Variants in UTP18 observed in about 807,000 individuals in gnomAD.
The protein encoded by UTP18 is UTP18 small subunit processome component.
A neutral mutation model predicts 61.1 loss-of-function variants in UTP18; 36 were observed. The ratio of observed to expected loss-of-function variants is 0.59; its 90% confidence interval spans 0.45 to 0.78. The LOEUF is 0.78. UTP18 is among the 30% of genes least tolerant of loss of function. The probability of loss-of-function intolerance (pLI) is 0.00; values close to 1 mark genes in which losing one functional copy is unlikely to be tolerated. For missense variants in UTP18, 753 were observed against 693.9 expected (o/e 1.09, Z -0.96); for synonymous variants, 282 against 251.1 (o/e 1.12, Z -1.16).
chr17:51,274,184 C>T (rs1421741346), intron 5 of UTP18, among the ~76,000 whole-genome samples: 1 of 152,152 alleles, frequency 6.6e-6, no homozygotes, highest in Non-Finnish European at 1.5e-5. Flanking sequence ...TTTGTTCTGC[C>T]TGCCTTGTCT....
intron 11 of UTP18, 111 bp from the exon 12 acceptor site, chr17:51,293,792 T>G (rs1414646681): frequency 1.0e-6 from 1 of 960,116 alleles, no homozygotes. Context: ...TCTTGTGTGC[T>G]ACAATCAAAA....
chr17:51,264,726 A>G (rs2055542852), intron 2 of UTP18, among the ~76,000 whole-genome samples: 1 of 146,442 alleles, frequency 6.8e-6, no homozygotes, highest in Non-Finnish European at 1.5e-5. Context: ...CCTTTCATCC[A>G]GGCTGGAGTT....
intron 11 of UTP18, among the ~76,000 whole-genome samples, chr17:51,291,484 C>T (rs995788948): frequency 1.3e-5 from 2 of 152,100 alleles, no homozygotes; most frequent in African/African-American, 4.8e-5. Context: ...ACCTTAATCC[C>T]AGCACTTTGA....
intron 4 of UTP18, among the ~76,000 whole-genome samples, chr17:51,271,574 G>T (rs1333212401): frequency 6.9e-6 from 1 of 144,860 alleles, no homozygotes; most frequent in Non-Finnish European, 1.5e-5. Flanking sequence ...TTCAGTCTGG[G>T]TATATTTTTC....
At chr17:51,270,510 A>C (rs62060090) in intron 4 of UTP18, among the ~76,000 whole-genome samples, 1 of 152,222 alleles carries the variant, frequency 6.6e-6, no homozygotes, top group Non-Finnish European at 1.5e-5. Context: ...AAAATCCCAC[A>C]GATCCCAGTG....
rs996361104 is a variant in UTP18 at position 51,260,881 on chromosome 17, C to G, written c.297C>G (p.Val99=). The G allele has an allele frequency of 3.1e-6, 5 of 1,599,932 alleles. No individual in the cohort carries two copies. The highest frequency in any genetic ancestry group is 4.3e-6 in the Non-Finnish European group (5 of 1,174,404). ...RCLEELVFGD[V]ENDEDALLRR... ...TGGAGGAGCTGGTCTTCGGCGACGT[C>G]GAGAACGACGAGGACGCGTTGCTGC... Residue 99 remains valine, a synonymous_variant, in exon 1 of 14, where the codon GTC becomes GTG. Transcript: ENST00000225298.
chr17:51,261,064 G>A, intron 1 of UTP18, 138 bp downstream of exon 1: 2 of 750,830 alleles, frequency 2.7e-6, no homozygotes, highest in Non-Finnish European at 3.7e-6. Context: ...GAACGCGGGC[G>A]CGGAGGGTCG....
intron 5 of UTP18, 108 bp from the exon 6 acceptor site, chr17:51,275,758 G>T: frequency 9.8e-7 from 1 of 1,022,070 alleles, no homozygotes; most frequent in Non-Finnish European, 1.3e-6. Context: ...TACCATTCCA[G>T]TGCATTTTTT....
At chr17:51,282,897 C>G (rs1904990705) in intron 9 of UTP18, among the ~76,000 whole-genome samples, 1 of 128,070 alleles carries the variant, frequency 7.8e-6, no homozygotes, top group Admixed American at 9.3e-5. Flanking sequence ...GAGACAGAGT[C>G]TCACTCTGTT....
At chr17:51,262,475 A>T (rs947195694) in intron 1 of UTP18, among the ~76,000 whole-genome samples, 2 of 152,084 alleles carry the variant, frequency 1.3e-5, no homozygotes, top group Admixed American at 1.3e-4. Context: ...ACTTATTTAG[A>T]GATACGGTCT....
chr17:51,266,023 CT>C (rs2055557019), intron 2 of UTP18, among the ~76,000 whole-genome samples, 158 bp from the exon 3 acceptor site: 1 of 152,120 alleles, frequency 6.6e-6, no homozygotes, highest in African/African-American at 2.4e-5. Context: ...CTTTTTTGTT[CT>C]TTTAGGAAGA....
intron 7 of UTP18, 117 bp downstream of exon 7, chr17:51,277,421 G>T: frequency 1.7e-6 from 2 of 1,204,492 alleles, no homozygotes; most frequent in Non-Finnish European, 2.3e-6. Flanking sequence ...GTTTCTTTAG[G>T]TATAGTGTTT....
At chr17:51,264,438 A>G (rs2055539199) in intron 2 of UTP18, among the ~76,000 whole-genome samples, 1 of 152,174 alleles carries the variant, frequency 6.6e-6, no homozygotes, top group African/African-American at 2.4e-5. Flanking sequence ...TATTGCCTTA[A>G]GAAAGATTCT....
At chr17:51,294,490 G>C (rs1194020262) in intron 12 of UTP18, among the ~76,000 whole-genome samples, 1 of 151,718 alleles carries the variant, frequency 6.6e-6, no homozygotes, top group Non-Finnish European at 1.5e-5. Context: ...GAGAATGATG[G>C]TTTCCAGTTT....
chr17:51,297,112 A>ACTG, intron 13 of UTP18, 109 bp downstream of exon 13: 2 of 921,390 alleles, frequency 2.2e-6, no homozygotes, highest in Non-Finnish European at 3.2e-6. Flanking sequence ...CCCCTAAGTT[A>ACTG]CTGCATCTTT....
At chr17:51,295,457 A>T (rs934344190) in intron 12 of UTP18, among the ~76,000 whole-genome samples, 38 of 152,184 alleles carry the variant, frequency 2.5e-4, no homozygotes, top group African/African-American at 8.9e-4. Context: ...TAAATAGGCA[A>T]TCCTTTCCCC....
chr17:51,268,952 T>C, intron 4 of UTP18, 48 bp downstream of exon 4: 2 of 1,564,554 alleles, frequency 1.3e-6, no homozygotes, highest in South Asian at 2.2e-5. Context: ...TCCCTGTTCC[T>C]GTTCGTTATT....
intron 11 of UTP18, 90 bp from the exon 12 acceptor site, chr17:51,293,813 G>A (rs1483255746): frequency 4.4e-6 from 5 of 1,149,122 alleles, no homozygotes; most frequent in Non-Finnish European, 4.7e-6. Flanking sequence ...TGAGCTTTAT[G>A]TTTCAGCAGG....
At chr17:51,262,481 G>T (rs1787865755) in intron 1 of UTP18, among the ~76,000 whole-genome samples, 1 of 151,890 alleles carries the variant, frequency 6.6e-6, no homozygotes, top group Admixed American at 6.6e-5. Flanking sequence ...TTAGAGATAC[G>T]GTCTAACTTT....
Sources: allele counts gnomAD v4.1 joint callset (sites outside exome capture counted in the v4.1 genomes callset), GRCh38; gene constraint gnomAD v4.1.1; transcripts MANE v1.5; gene names NCBI Gene and HGNC (gene_info 2026-07-23, HGNC 2026-07-21).